The following MKLN1 variants were observed in gnomAD, a reference collection of about 807,000 sequenced individuals.
The protein encoded by MKLN1 is muskelin 1, also known as muskelin.
Under a neutral mutation model 99.0 loss-of-function variants are expected in MKLN1, and 18 were observed. The ratio of observed to expected loss-of-function variants is 0.18; its 90% CI spans 0.13 to 0.27. The LOEUF is 0.27. MKLN1 is among the 10% of genes least tolerant of loss of function. The pLI, the probability that MKLN1 is intolerant of heterozygous loss-of-function variation, is 1.00. For synonymous variants in MKLN1, 288 were observed against 293.2 expected (o/e 0.98, Z 0.18); for missense variants, 621 against 875.9 (o/e 0.71, Z 3.67).
chr7:131,256,617 G>A (rs956361831), intron 3 of MKLN1, among the ~76,000 whole-genome samples: 11 of 152,118 alleles, frequency 7.2e-5, no homozygotes, highest in Non-Finnish European at 1.0e-4. Flanking sequence ...TAAGAAAGTC[G>A]GTACATCTAT....
chr7:131,301,600 T>C (rs1798378166), intron 3 of MKLN1, among the ~76,000 whole-genome samples: 1 of 152,110 alleles, frequency 6.6e-6, no homozygotes, highest in Non-Finnish European at 1.5e-5. Context: ...CCTGGAGAAA[T>C]GGTTTGCTTC....
intron 16 of MKLN1, among the ~76,000 whole-genome samples, chr7:131,472,938 A>T (rs1796863567): frequency 1.8e-5 from 2 of 114,232 alleles, no homozygotes; most frequent in African/African-American, 3.4e-5. Context: ...ACAGAGCAAG[A>T]TTCCATCTCA....
At chr7:131,304,838 C>T (rs1332674090) in intron 3 of MKLN1, among the ~76,000 whole-genome samples, 2 of 152,158 alleles carry the variant, frequency 1.3e-5, no homozygotes, top group African/African-American at 4.8e-5. Flanking sequence ...CAAAATTGAT[C>T]TTGAAAAATT....
intron 1 of MKLN1, 25 bp downstream of exon 1, chr7:131,328,022 G>A (rs375109840): frequency 6.2e-7 from 1 of 1,612,416 alleles, no homozygotes; most frequent in Non-Finnish European, 8.5e-7. Context: ...TTGAGCTCGT[G>A]CTGCCCCACC....
upstream of MKLN1, among the ~76,000 whole-genome samples, chr7:131,322,988 C>T (rs1027445402): frequency 2.6e-5 from 4 of 152,192 alleles, no homozygotes; most frequent in Non-Finnish European, 5.9e-5. Context: ...TCCCCCGACA[C>T]GTGGGGATTA....
At chr7:131,300,810 C>T (rs1798367331) in intron 3 of MKLN1, among the ~76,000 whole-genome samples, 1 of 151,952 alleles carries the variant, frequency 6.6e-6, no homozygotes, top group South Asian at 2.1e-4. Context: ...CTGTTCATAA[C>T]TCTGTAGGTA....
rs1175927858 is a variant in MKLN1 at position 131,283,346 on chromosome 7, C to CTCCTTCCT, written c.-179+80421_-179+80428dup. Among the ~76,000 whole-genome samples the CTCCTTCCT allele has an allele frequency of 9.6e-3, 491 of 51,374 alleles. 6 individuals carry two copies. The highest frequency in any genetic ancestry group is 0.051 in the South Asian group (54 of 1,060). The allele number at this position is 51,374 out of a possible 152,430, so 33.7% of individuals were successfully genotyped here. A position where few individuals can be genotyped will look rare whatever the true frequency, so the allele number is the denominator to read the frequency against. Reference sequence around the variant, plus strand: ...CCCTCCCTCCTTCCCTTCCCTTCCCCTCCTTCCTTCCTTCCTTCCTTCCTT... The same window carrying CTCCTTCCT: ...CCCTCCCTCCTTCCCTTCCCTTCCCCTCCTTCCTTCCTTCCTTCCTTCCTTCCTTCCTT... On this transcript the variant is annotated intron_variant, in intron 3 of 7. Coordinates refer to the MKLN1 transcript ENST00000416992.
intron 12 of MKLN1, among the ~76,000 whole-genome samples, chr7:131,448,105 G>A (rs1796069476): frequency 1.3e-5 from 2 of 152,182 alleles, no homozygotes; most frequent in Admixed American, 1.3e-4. Context: ...GCGGGCGCCT[G>A]TAGTCCCAGC....
At chr7:131,262,573 T>C (rs773339554) in intron 3 of MKLN1, among the ~76,000 whole-genome samples, 3 of 151,884 alleles carry the variant, frequency 2.0e-5, no homozygotes, top group Non-Finnish European at 4.4e-5. Flanking sequence ...TTTTTTGAGA[T>C]AGAGTCCCGC....
At chr7:131,249,537 G>T (rs1219683722) in intron 3 of MKLN1, among the ~76,000 whole-genome samples, 2 of 152,212 alleles carry the variant, frequency 1.3e-5, no homozygotes, top group African/African-American at 2.4e-5. Flanking sequence ...CTGGAGGCTG[G>T]TATATTCCTT....
At chr7:131,466,448 A>G (rs776275965) in intron 15 of MKLN1, 33 bp downstream of exon 15, 1 of 1,470,658 alleles carries the variant, frequency 6.8e-7, no homozygotes, top group South Asian at 1.3e-5. Context: ...ACATTTAATT[A>G]ACATTATCAG....
At chr7:131,411,221 T>A in intron 6 of MKLN1, 85 bp from the exon 7 acceptor site, 1 of 751,812 alleles carries the variant, frequency 1.3e-6, no homozygotes, top group South Asian at 2.0e-5. Context: ...TCTTTTAATG[T>A]AGCCTTTTAA....
At chr7:131,136,476 A>G (rs189789602) in intron 1 of MKLN1, among the ~76,000 whole-genome samples, 5 of 152,362 alleles carry the variant, frequency 3.3e-5, no homozygotes, top group African/African-American at 1.2e-4. Flanking sequence ...AGTATGAAGA[A>G]TACAAACCTG....
chr7:131,423,107 C>T (rs1795255224), intron 8 of MKLN1, among the ~76,000 whole-genome samples: 1 of 152,102 alleles, frequency 6.6e-6, no homozygotes, highest in African/African-American at 2.4e-5. Context: ...TTAGGCTGTT[C>T]CTTGTTGTGT....
At chr7:131,443,785 T>C in intron 11 of MKLN1, 83 bp downstream of exon 11, 3 of 1,054,008 alleles carry the variant, frequency 2.8e-6, no homozygotes, top group Non-Finnish European at 4.4e-6. Context: ...TCTAATTCTT[T>C]AGGAAGAGAT....
chr7:131,252,323 T>G (rs1261119097), intron 3 of MKLN1, among the ~76,000 whole-genome samples: 1 of 109,366 alleles, frequency 9.1e-6, no homozygotes, highest in Non-Finnish European at 1.9e-5. Context: ...AGGACTTTTT[T>G]CTTTTCTTTT....
chr7:131,156,876 AC>A (rs2116301831), intron 2 of MKLN1, among the ~76,000 whole-genome samples: 1 of 152,270 alleles, frequency 6.6e-6, no homozygotes, highest in African/African-American at 2.4e-5. Flanking sequence ...ATGAGTTCTA[AC>A]CATAATCTCA....
At chr7:131,262,424 G>C (rs187716878) in intron 3 of MKLN1, among the ~76,000 whole-genome samples, 1 of 152,010 alleles carries the variant, frequency 6.6e-6, no homozygotes, top group Non-Finnish European at 1.5e-5. Context: ...GCGACAGAGC[G>C]AGACTCCGTC....
In MKLN1 at chr7:131,487,348, C is replaced by T. The variant is rs140051054; in HGVS notation, c.2087-259C>T. On this transcript the variant is annotated intron_variant, in intron 17 of 17. Coordinates refer to ENST00000352689, the MANE Select transcript of MKLN1 (RefSeq NM_013255.5). This position sits in a 1 kb window ranked among gnomAD's most constrained non-coding sequence, Gnocchi z 4.7. ...TTCATGTAACTACATTTAATCTGCACAATAACTGTATGAAGTAAACAGGAT... is the reference window on the plus strand; with the variant it reads ...TTCATGTAACTACATTTAATCTGCATAATAACTGTATGAAGTAAACAGGAT... 6.6e-6 allele frequency among the ~76,000 whole-genome samples: 1 copy of T among 152,224 alleles called. No homozygotes were observed. The highest frequency in any genetic ancestry group is 1.5e-5 in the Non-Finnish European group (1 of 67,990).
Sources: gnomAD v4.1 joint callset for allele counts (sites outside exome capture counted in the v4.1 genomes callset) on GRCh38, gnomAD v4.1.1 for gene constraint, Gnocchi (gnomAD v3.1) non-coding constraint, MANE v1.5 for transcripts, NCBI Gene and HGNC (gene_info 2026-07-23, HGNC 2026-07-21) for gene names.